Variants in DAG1 observed in about 807,000 individuals in gnomAD.
DAG1 encodes dystroglycan 1.
DAG1 carries 8 observed loss-of-function variants against 46.1 expected under a neutral mutation model. The ratio of observed to expected loss-of-function variants is 0.17; its 90% confidence interval spans 0.10 to 0.31. The LOEUF (loss-of-function observed/expected upper bound fraction) is 0.31. Among genes scored for constraint, DAG1 ranks in the 10% least tolerant of loss-of-function variants. DAG1 has a pLI of 1.00. For synonymous variants in DAG1, 495 were observed against 481.8 expected (o/e 1.03, Z -0.36); for missense variants, 1,003 against 1,189.9 (o/e 0.84, Z 2.31).
chr3:49,531,426 T>C lies in DAG1; in HGVS notation c.915T>C (p.Pro305=), dbSNP rs1430908564. The change falls in exon 3 of 3, where the codon CCT becomes CCC. Residue 305 remains proline (P), a synonymous_variant. Coordinates refer to ENST00000308775, the MANE Select transcript of DAG1 (RefSeq NM_004393.6). The surrounding 1 kb of genome is among the most constrained non-coding windows in gnomAD (Gnocchi z 7.0). ...VGWHIANKKP[P]LPKRVRRQIH... ...GGCACATCGCCAATAAGAAGCCCCC[T>C]CTTCCCAAACGCGTCCGGAGGCAGA... 1 of 1,613,528 alleles carries C rather than the reference T, an allele frequency of 6.2e-7. No individual in the cohort carries two copies. Among genetic ancestry groups the C allele is most frequent in the Non-Finnish European group, 8.5e-7 (1 of 1,179,892 alleles).
intron 1 of DAG1, among the ~76,000 whole-genome samples, chr3:49,495,149 C>T (rs2050278810): frequency 6.6e-6 from 1 of 152,082 alleles, no homozygotes; most frequent in South Asian, 2.1e-4. Context: ...TCATCCAGCC[C>T]CCACAGGGTA....
intron 1 of DAG1, among the ~76,000 whole-genome samples, chr3:49,491,898 C>T (rs538201707): frequency 1.0e-3 from 154 of 151,588 alleles, no homozygotes; most frequent in African/African-American, 3.4e-3. Flanking sequence ...GGATTACAGG[C>T]GTGAGCTGCC....
At position 49,532,054 on chromosome 3, in the gene DAG1, G is replaced by A. The variant is rs142703906; in HGVS notation, c.1543G>A (p.Glu515Lys). 55 of 1,614,130 alleles carry A rather than the reference G, an allele frequency of 3.4e-5. No homozygotes were observed. Among genetic ancestry groups the A allele is most frequent in the Non-Finnish European group, 4.7e-5 (55 of 1,180,050 alleles). The change falls in exon 3 of 3, where the codon GAG becomes AAG. Residue 515 changes from glutamate (E) to lysine (K), a missense_variant. Glu to Lys is a moderately conservative substitution (Grantham distance 56). Transcript: ENST00000308775. This position sits in a 1 kb window ranked among gnomAD's most constrained non-coding sequence, Gnocchi z 5.4. Reference sequence around the variant, plus strand: ...AGATGCCTGGGTTGGCACCTACTTTGAGGTGAAGATCCCGTCAGACACTTT... The same window carrying A: ...AGATGCCTGGGTTGGCACCTACTTTAAGGTGAAGATCCCGTCAGACACTTT... ...RVDAWVGTYF[E>K]VKIPSDTFYD...
At chr3:49,495,497 T>A (rs1284897036) in intron 1 of DAG1, among the ~76,000 whole-genome samples, 1 of 152,158 alleles carries the variant, frequency 6.6e-6, no homozygotes, top group Non-Finnish European at 1.5e-5. Flanking sequence ...TTTAATTGCA[T>A]TTTTTGATGC....
rs2049784925 is a variant in DAG1, at chr3:49,479,053, C to T, written c.-117+8620C>T. 3.3e-5 allele frequency among the ~76,000 whole-genome samples: 5 copies of T among 151,920 alleles called. No individual in the cohort carries two copies. In the South Asian group the frequency reaches 8.3e-4, roughly 25 times the overall value. The stretch of plus-strand genomic sequence containing the variant: ...TGGTCTCCTGACCTTGTGATCCTCC[C>T]ACCTCAGCCTCCCAAAGTGCTGGGA... On this transcript the variant is annotated intron_variant, in intron 1 of 2. Coordinates refer to ENST00000308775, the MANE Select transcript of DAG1 (RefSeq NM_004393.6).
intron 2 of DAG1, among the ~76,000 whole-genome samples, chr3:49,527,535 A>C (rs1256111094): frequency 1.4e-5 from 2 of 141,914 alleles, no homozygotes; most frequent in African/African-American, 5.4e-5. Flanking sequence ...AAAAAAAAAA[A>C]CCAACAAAAC....
At chr3:49,480,424 T>G (rs900755169) in intron 1 of DAG1, among the ~76,000 whole-genome samples, 1 of 151,236 alleles carries the variant, frequency 6.6e-6, no homozygotes, top group African/African-American at 2.4e-5. Context: ...TACAGGTGCC[T>G]GCCACCACGC....
chr3:49,478,906 C>T (rs559050758), intron 1 of DAG1, among the ~76,000 whole-genome samples: 11 of 143,756 alleles, frequency 7.7e-5, no homozygotes, highest in African/African-American at 1.5e-4. Flanking sequence ...CTCTGCCTCC[C>T]GGGTTCAAGC....
At chr3:49,519,220 C>G (rs1294554221) in intron 2 of DAG1, among the ~76,000 whole-genome samples, 1 of 152,192 alleles carries the variant, frequency 6.6e-6, no homozygotes. Flanking sequence ...CTAACCTCTC[C>G]TCGAAGGTGG....
intron 1 of DAG1, among the ~76,000 whole-genome samples, chr3:49,475,684 C>G (rs978687180): frequency 2.0e-5 from 3 of 149,182 alleles, no homozygotes; most frequent in African/African-American, 7.3e-5. Flanking sequence ...GGTTTGATAG[C>G]TAAGCATTTT....
chr3:49,518,677 C>G (rs985802170), intron 2 of DAG1, among the ~76,000 whole-genome samples: 2 of 152,236 alleles, frequency 1.3e-5, no homozygotes, highest in Admixed American at 6.5e-5. Flanking sequence ...GCCTGGCCAG[C>G]ACTTGTTGCT....
intron 1 of DAG1, among the ~76,000 whole-genome samples, chr3:49,502,344 C>T (rs928340975): frequency 6.6e-6 from 1 of 152,156 alleles, no homozygotes; most frequent in African/African-American, 2.4e-5. Context: ...CCATAGGGCT[C>T]CTCCATCTAT....
chr3:49,475,439 C>G (rs559436051), intron 1 of DAG1, among the ~76,000 whole-genome samples: 22 of 136,492 alleles, frequency 1.6e-4, no homozygotes, highest in Non-Finnish European at 2.6e-4. Flanking sequence ...TGGAGTCTCA[C>G]TCTGTTGCCC....
At chr3:49,488,063 G>A (rs1017650955) in intron 1 of DAG1, among the ~76,000 whole-genome samples, 3 of 152,090 alleles carry the variant, frequency 2.0e-5, no homozygotes, top group African/African-American at 4.8e-5. Flanking sequence ...GAAAAACATA[G>A]CATCATGTTT....
In DAG1 at chr3:49,532,251, A is replaced by G; in HGVS notation, c.1740A>G (p.Thr580=). Residue 580 remains threonine, a synonymous_variant, in exon 3 of 3, where the codon ACA becomes ACG. Transcript: ENST00000308775. This position sits in a 1 kb window ranked among gnomAD's most constrained non-coding sequence, Gnocchi z 5.4. ...AACACGAGTATTTCATGCATGCCAC[A>G]GACAAGGGGGGCCTGTCGGCTGTGG... ...VGKHEYFMHA[T]DKGGLSAVDA... is the part of the protein sequence containing the mutation. 1 of 1,613,924 alleles carries G rather than the reference A, an allele frequency of 6.2e-7. No homozygotes were observed. The highest frequency in any genetic ancestry group is 1.3e-5 in the African/African-American group (1 of 75,054).
intron 1 of DAG1, among the ~76,000 whole-genome samples, chr3:49,484,979 T>G (rs144632934): frequency 1.3e-5 from 2 of 152,040 alleles, no homozygotes; most frequent in Non-Finnish European, 2.9e-5. Context: ...GTATTTTTAT[T>G]GTTATTATTT....
intron 2 of DAG1, among the ~76,000 whole-genome samples, chr3:49,521,923 C>T (rs1159466053): frequency 1.3e-5 from 2 of 152,084 alleles, no homozygotes; most frequent in African/African-American, 4.8e-5. Context: ...GATCTTGGCT[C>T]ACTGCAATCT....
At chr3:49,472,321 A>G (rs988105420) in intron 1 of DAG1, among the ~76,000 whole-genome samples, 1 of 152,106 alleles carries the variant, frequency 6.6e-6, no homozygotes, top group Non-Finnish European at 1.5e-5. Flanking sequence ...GGGAGGAGCT[A>G]CATTCTGGAA....
In DAG1 at chr3:49,532,782, C is replaced by T. The variant is rs78281659; in HGVS notation, c.2271C>T (p.Ala757=). 1.7e-3 allele frequency: 2,777 copies of T among 1,614,062 alleles called. 34 individuals carry two copies. The African/African-American group carries it at 0.026, about 15-fold the overall frequency. The change falls in exon 3 of 3, where the codon GCC becomes GCT. Residue 757 remains alanine, a synonymous_variant. Transcript: ENST00000308775. The surrounding 1 kb of genome is among the most constrained non-coding windows in gnomAD (Gnocchi z 5.4). The stretch of plus-strand genomic sequence containing the variant: ...TCTACCTGCACACAGTCATTCCGGC[C>T]GTGGTGGTCGCAGCCATCCTGCTCA... ...DDVYLHTVIP[A]VVVAAILLIA... is the part of the protein sequence containing the mutation.
Sources: allele counts gnomAD v4.1 joint callset (sites outside exome capture counted in the v4.1 genomes callset), GRCh38; gene constraint gnomAD v4.1.1; non-coding constraint Gnocchi (gnomAD v3.1); transcripts MANE v1.5; gene names NCBI Gene and HGNC (gene_info 2026-07-23, HGNC 2026-07-21).